Variants in PNCK observed in about 807,000 individuals in gnomAD.
PNCK encodes the protein calcium/calmodulin-dependent protein kinase type 1B.
In PNCK, 21 loss-of-function variants were observed where a neutral mutation model predicts 28.3. That is an observed-to-expected ratio of 0.74 (90% CI 0.53 to 1.07). The LOEUF (loss-of-function observed/expected upper bound fraction) is 1.07, where lower values mean the gene tolerates loss of function less well. Ranked by LOEUF, PNCK falls within the 50% of genes least tolerant of loss-of-function variation. The probability of loss-of-function intolerance (pLI) is 0.00; values close to 1 mark genes in which losing one functional copy is unlikely to be tolerated. For missense variants in PNCK, 250 were observed against 298.3 expected (o/e 0.84, Z 1.19); for synonymous variants, 136 against 125.2 (o/e 1.09, Z -0.58).
At chrX:153,681,125 A>C (rs781983277) in intron 1 of PNCK, among the ~76,000 whole-genome samples, 1 of 111,349 alleles carries the variant, frequency 9.0e-6, no homozygotes, top group South Asian at 3.8e-4. Context: ...GAAAATAAAG[A>C]GTTGTGTTAG....
chrX:153,675,861 G>A (rs1485525875), upstream of PNCK, among the ~76,000 whole-genome samples: 2 of 110,100 alleles, frequency 1.8e-5, no homozygotes, highest in Admixed American at 9.5e-5. Context: ...TACACCCTCC[G>A]GCCTGGCAAG....
At chrX:153,675,987 C>CTTTTTTTTTTTTTTTTTTTTTTTTT (rs59527995), upstream of PNCK, among the ~76,000 whole-genome samples, 1 of 79,975 alleles carries the variant, frequency 1.3e-5, no homozygotes, top group African/African-American at 4.6e-5. Context: ...TTTTTCTTTT[C>CTTTTTTTTTTTTTTTTTTTTTTTTT]TTTTTTTTTT....
In PNCK at chrX:153,670,944, G is replaced by A. The variant is rs1443138233; in HGVS notation, c.780C>T (p.Thr260=). The A allele has an allele frequency of 2.5e-6, 3 of 1,210,918 alleles. No homozygotes were observed. The African/African-American group carries it at 5.2e-5, about 21-fold the overall frequency. Residue 260 remains threonine (T), a synonymous_variant, in exon 9 of 12, where the codon ACC becomes ACT. Transcript: ENST00000340888. The part of the protein sequence containing the change: ...LLERDPQKRF[T]CQQALRHLWI... ...AAAGGTGCCGCAAGGCCTGTTGGCA[G>A]GTGAACCTCTTCTGGGGGTCTCGCT...
At chrX:153,685,005 CCAGAAGCCACCATAG>C (rs1347757580) in intron 1 of PNCK, among the ~76,000 whole-genome samples, 2 of 101,765 alleles carry the variant, frequency 2.0e-5, no homozygotes, top group Non-Finnish European at 4.1e-5. Context: ...TGCTTCTCAC[CCAGAAGCCACCATAG>C]GAGCTCTGGG....
Position 153,673,807 on chromosome X carries a change from G to T in PNCK, c.-30C>A. ...GGAGCGGGTGCCGCAGCGTCGTGCC[G>T]CGCAGTGGCCGCAGCGCCAAGCCCC... On this transcript the variant is annotated 5_prime_UTR_variant, in exon 1 of 12. Coordinates refer to ENST00000340888, the MANE Select transcript of PNCK (RefSeq NM_001366977.1). 1 of 749,696 alleles carries T rather than the reference G, an allele frequency of 1.3e-6. No homozygotes were observed. Among genetic ancestry groups the T allele is most frequent in the South Asian group, 6.5e-5 (1 of 15,362 alleles). The allele number at this position is 749,696 out of a possible 1,213,427, so 61.8% of individuals were successfully genotyped here. A position where few individuals can be genotyped will look rare whatever the true frequency, so the allele number is the denominator to read the frequency against.
upstream of PNCK, chrX:153,673,869 C>G: frequency 1.2e-6 from 1 of 811,457 alleles, no homozygotes; most frequent in Non-Finnish European, 1.5e-6. Context: ...CCTCCGCGCA[C>G]GCCCCCGCCA....
chrX:153,679,166 TAAG>T (rs2091383244), upstream of PNCK, among the ~76,000 whole-genome samples: 1 of 111,564 alleles, frequency 9.0e-6, no homozygotes, highest in African/African-American at 3.3e-5. Context: ...TGTGTGGACA[TAAG>T]TTTTCAAATC....
At position 153,672,646 on chromosome X, in the gene PNCK, G is replaced by A. The variant is rs1345807750; in HGVS notation, c.120C>T (p.Leu40=). The A allele has an allele frequency of 5.0e-6, 6 of 1,204,941 alleles. No homozygotes were observed. Among genetic ancestry groups the A allele is most frequent in the Admixed American group, 2.2e-5 (1 of 45,986 alleles). Residue 40 remains leucine, a synonymous_variant, in exon 3 of 12, where the codon CTC becomes CTT. Coordinates refer to ENST00000340888, the MANE Select transcript of PNCK (RefSeq NM_001366977.1). ...TCTTGGGGATGCACTTGAGGGCCAC[G>A]AGGTGTGCGGAGCCCCGCTCCTGGG... ...VLAQERGSAH[L]VALKCIPKKA... is the part of the protein sequence containing the mutation.
At chrX:153,677,716 T>C (rs1350276604), upstream of PNCK, among the ~76,000 whole-genome samples, 1 of 97,376 alleles carries the variant, frequency 1.0e-5, no homozygotes, top group African/African-American at 4.2e-5. Context: ...ATATATATAG[T>C]GCATATATAT....
intron 11 of PNCK, 40 bp downstream of exon 11, chrX:153,670,410 G>A (rs1334484338): frequency 1.7e-6 from 2 of 1,207,779 alleles, no homozygotes; most frequent in East Asian, 3.0e-5. Context: ...AGCTCTCCAA[G>A]GAGCCAGCTC....
chrX:153,677,827 GTATA>G (rs1433138481), upstream of PNCK, among the ~76,000 whole-genome samples: 2 of 104,367 alleles, frequency 1.9e-5, no homozygotes, highest in Admixed American at 2.2e-4. Context: ...TATATATAGT[GTATA>G]TAGTGTATAT....
chrX:153,670,030 T>G lies in PNCK; in HGVS notation c.*108A>C. On this transcript the variant is annotated 3_prime_UTR_variant, in exon 12 of 12. Transcript: ENST00000340888. ...TGCGCCACACCCTCAAATCTCAAAATCCAGCAGAGGCCAGCCCCAGGGGGA... is the reference window on the plus strand; with the variant it reads ...TGCGCCACACCCTCAAATCTCAAAAGCCAGCAGAGGCCAGCCCCAGGGGGA... 1 of 274,714 alleles carries G rather than the reference T, an allele frequency of 3.6e-6. No homozygotes were observed. Among genetic ancestry groups the G allele is most frequent in the Non-Finnish European group, 7.1e-6 (1 of 141,680 alleles). The allele number at this position is 274,714 out of a possible 1,213,427, so 22.6% of individuals were successfully genotyped here.
chrX:153,674,077 C>G, upstream of PNCK: 1 of 1,209,333 alleles, frequency 8.3e-7, no homozygotes, highest in East Asian at 3.0e-5. Context: ...GAGAGCTCTT[C>G]GGCCACAGGT....
chrX:153,686,220 G>A (rs1168309479), intron 1 of PNCK, among the ~76,000 whole-genome samples: 1 of 111,889 alleles, frequency 8.9e-6, no homozygotes, highest in African/African-American at 3.2e-5. Flanking sequence ...TCCTGTCCCT[G>A]GCCTCGGAAC....
chrX:153,678,589 T>A (rs2091380565), upstream of PNCK, among the ~76,000 whole-genome samples: 1 of 111,928 alleles, frequency 8.9e-6, no homozygotes, highest in South Asian at 3.7e-4. Context: ...TGGTGGGGGG[T>A]GATCTTATCA....
At chrX:153,681,770 G>A (rs1322749503) in intron 1 of PNCK, among the ~76,000 whole-genome samples, 2 of 112,123 alleles carry the variant, frequency 1.8e-5, no homozygotes, top group Non-Finnish European at 3.8e-5. Context: ...TAACATAAGA[G>A]GCTAATAAGG....
upstream of PNCK, chrX:153,674,382 G>T (rs1357615248): frequency 2.2e-6 from 1 of 445,274 alleles, no homozygotes; most frequent in Non-Finnish European, 3.5e-6. Context: ...TCCTTAGGGG[G>T]CGGCCTAACG....
rs782561753 is a variant in PNCK at position 153,671,573 on chromosome X, C to T, written c.514G>A (p.Ala172Thr). Residue 172 changes from alanine (A) to threonine (T), a missense_variant, in exon 6 of 12, where the codon GCC (alanine) becomes ACC (threonine). By Grantham distance (58) the Ala-to-Thr change is moderately conservative. Transcript: ENST00000340888. ...CCCACATATCCAGGGGTCCCACAGG[C>T]GGTGCCTAGCATGTTCCCAGCCTGG... ...KIQAGNMLGT[A>T]CGTPGYVAPE... 2 of 1,211,838 alleles carry T rather than the reference C, an allele frequency of 1.7e-6. No individual in the cohort carries two copies. The highest frequency in any genetic ancestry group is 2.2e-5 in the Admixed American group (1 of 46,076).
At position 153,669,838 on chromosome X, in the gene PNCK, G is replaced by A. The variant is rs781868381; in HGVS notation, c.*300C>T. ...ACACTCAGCGAAGCACACAACAGCC[G>A]TGCAGGAAAGACAGCCCCTGAGGCC... On this transcript the variant is annotated 3_prime_UTR_variant, in exon 12 of 12. Coordinates refer to ENST00000340888, the MANE Select transcript of PNCK (RefSeq NM_001366977.1). 2.9e-6 allele frequency: 1 copy of A among 342,842 alleles called. No individual in the cohort carries two copies. Among genetic ancestry groups the A allele is most frequent in the Non-Finnish European group, 5.9e-6 (1 of 170,266 alleles). 28.3% of individuals were successfully genotyped at this position (342,842 alleles called of 1,213,427 possible). A position where few individuals can be genotyped will look rare whatever the true frequency, so the allele number is the denominator to read the frequency against.
Sources: gnomAD v4.1 joint callset for allele counts (sites outside exome capture counted in the v4.1 genomes callset) on GRCh38, gnomAD v4.1.1 for gene constraint, MANE v1.5 for transcripts, NCBI Gene and HGNC (gene_info 2026-07-23, HGNC 2026-07-21) for gene names.